Variants in IFT74 observed in about 807,000 individuals in gnomAD.
IFT74 encodes the protein intraflagellar transport 74.
In IFT74, 92 loss-of-function variants were observed where a neutral mutation model predicts 96.7. The observed-to-expected ratio is 0.95, with a 90% CI of 0.80 to 1.13. The LOEUF is 1.13. Ranked by LOEUF, IFT74 falls within the 50% of genes most tolerant of loss-of-function variation. IFT74 has a pLI of 0.00. For synonymous variants in IFT74, 223 were observed against 213.2 expected, an observed-to-expected ratio of 1.05 and a Z score of -0.40; for missense variants, 811 against 698.2, an observed-to-expected ratio of 1.16 and a Z score of -1.82.
intron 8 of IFT74, among the ~76,000 whole-genome samples, chr9:27,000,090 A>G (rs1038380539): frequency 1.3e-5 from 2 of 152,142 alleles, no homozygotes; most frequent in Non-Finnish European, 1.5e-5. Context: ...TTTCAAATCT[A>G]CTTTTTCTTG....
intron 1 of IFT74, among the ~76,000 whole-genome samples, chr9:26,949,957 C>CG (rs2131451702): frequency 6.6e-6 from 1 of 152,244 alleles, no homozygotes; most frequent in African/African-American, 2.4e-5. Flanking sequence ...GAGTACTTGG[C>CG]GAAGTTACAA....
At chr9:26,982,742 A>G (rs1827441931) in intron 4 of IFT74, among the ~76,000 whole-genome samples, 1 of 151,944 alleles carries the variant, frequency 6.6e-6, no homozygotes, top group African/African-American at 2.4e-5. Context: ...GGTGTGAGCC[A>G]CTGCACCTGG....
intron 2 of IFT74, among the ~76,000 whole-genome samples, chr9:26,963,991 G>C (rs1218975333): frequency 1.3e-5 from 2 of 151,172 alleles, no homozygotes; most frequent in Non-Finnish European, 2.9e-5. Flanking sequence ...GTCAATTTTG[G>C]CTTTTGTTGC....
chr9:27,039,243 C>G (rs1819358952), intron 13 of IFT74, among the ~76,000 whole-genome samples: 1 of 152,118 alleles, frequency 6.6e-6, no homozygotes. Context: ...TTTGCCCAGG[C>G]TCGTCTCGAA....
chr9:26,987,503 T>A (rs1043371945), intron 6 of IFT74, among the ~76,000 whole-genome samples: 1 of 152,166 alleles, frequency 6.6e-6, no homozygotes, highest in African/African-American at 2.4e-5. Context: ...AATATGCTAT[T>A]TATAGATTTA....
intron 6 of IFT74, 32 bp from the exon 7 acceptor site, chr9:26,988,637 T>C (rs868056121): frequency 6.6e-7 from 1 of 1,514,026 alleles, no homozygotes; most frequent in Non-Finnish European, 9.0e-7. Context: ...ACTAACAAAA[T>C]GGTGTTTGTT....
chr9:27,044,666 C>T, intron 13 of IFT74, 76 bp from the exon 14 acceptor site: 2 of 820,530 alleles, frequency 2.4e-6, no homozygotes, highest in South Asian at 1.5e-5. Context: ...ATAGAGAGAA[C>T]CAAAGAGAGA....
chr9:27,024,817 A>G (rs1365001169), intron 12 of IFT74, among the ~76,000 whole-genome samples: 1 of 152,102 alleles, frequency 6.6e-6, no homozygotes, highest in East Asian at 1.9e-4. Flanking sequence ...TAAATAAAAA[A>G]ACAGTCACAA....
At chr9:26,962,182 C>A in intron 2 of IFT74, 95 bp downstream of exon 2, 2 of 1,179,212 alleles carry the variant, frequency 1.7e-6, no homozygotes, top group Non-Finnish European at 2.4e-6. Context: ...CTGATCATGC[C>A]ACTGCACCCC....
At chr9:26,968,098 T>G (rs898156126) in intron 2 of IFT74, among the ~76,000 whole-genome samples, 2 of 150,550 alleles carry the variant, frequency 1.3e-5, no homozygotes, top group Non-Finnish European at 3.0e-5. Context: ...AGGATAATAC[T>G]GGTCTTGTAG....
intron 2 of IFT74, among the ~76,000 whole-genome samples, chr9:26,975,907 T>G (rs546380237): frequency 2.0e-5 from 3 of 152,352 alleles, no homozygotes; most frequent in East Asian, 3.9e-4. Flanking sequence ...AATGGCAGGA[T>G]CTGCCACATG....
At chr9:26,989,159 T>C (rs1827763010) in intron 7 of IFT74, among the ~76,000 whole-genome samples, 1 of 152,186 alleles carries the variant, frequency 6.6e-6, no homozygotes, top group Admixed American at 6.6e-5. Context: ...TAATTTTTGA[T>C]TGGTAAATGA....
chr9:26,960,832 T>G lies in IFT74; in HGVS notation c.-19-1117T>G, dbSNP rs190474703. ...ATGTCTCGCCATGGCTATAAATTAC[T>G]GAAATGGAGTTAAGATCATTGCTAA... On this transcript the variant is annotated intron_variant, in intron 1 of 19. Transcript: ENST00000380062. Among the ~76,000 whole-genome samples the G allele has an allele frequency of 3.1e-3, 472 of 151,892 alleles. 1 individual carries two copies. Among genetic ancestry groups the G allele is most frequent in the Middle Eastern group, 0.014 (4 of 294 alleles).
At chr9:27,012,651 A>G (rs1829140372) in intron 10 of IFT74, among the ~76,000 whole-genome samples, 1 of 152,046 alleles carries the variant, frequency 6.6e-6, no homozygotes. Context: ...TTATTTCACA[A>G]AACAAAATGT....
intron 13 of IFT74, among the ~76,000 whole-genome samples, chr9:27,029,465 C>A (rs928294811): frequency 6.6e-6 from 1 of 152,048 alleles, no homozygotes; most frequent in Admixed American, 6.6e-5. Flanking sequence ...ACAATATAGT[C>A]GGCCGGGTGT....
chr9:27,046,027 A>G (rs1484229769), intron 14 of IFT74, among the ~76,000 whole-genome samples: 2 of 152,180 alleles, frequency 1.3e-5, no homozygotes, highest in South Asian at 2.1e-4. Context: ...GAATTCCTAT[A>G]CTACAGAATC....
At chr9:26,972,883 T>G (rs747723426) in intron 2 of IFT74, among the ~76,000 whole-genome samples, 5 of 152,144 alleles carry the variant, frequency 3.3e-5, no homozygotes, top group Non-Finnish European at 5.9e-5. Flanking sequence ...GTTAAGAATA[T>G]GTATAGAGAA....
chr9:27,038,195 A>G (rs767127495), intron 13 of IFT74, among the ~76,000 whole-genome samples: 7 of 152,290 alleles, frequency 4.6e-5, no homozygotes, highest in Non-Finnish European at 8.8e-5. Context: ...GCCATTATGG[A>G]ATGAGGTAGT....
chr9:27,042,615 CAT>C (rs1230885708), intron 13 of IFT74, among the ~76,000 whole-genome samples: 2 of 152,134 alleles, frequency 1.3e-5, no homozygotes, highest in African/African-American at 4.8e-5. Context: ...CTGGAAACAT[CAT>C]GTGTAGGAAT....
Sources: allele counts gnomAD v4.1 joint callset (sites outside exome capture counted in the v4.1 genomes callset), GRCh38; gene constraint gnomAD v4.1.1; transcripts MANE v1.5; gene names NCBI Gene and HGNC (gene_info 2026-07-23, HGNC 2026-07-21).